FAAP100: variants seen among roughly 807,000 people sequenced by gnomAD.
FAAP100 encodes FA core complex associated protein 100, also known as Fanconi anemia core complex-associated protein 100.
In FAAP100, 46 loss-of-function variants were observed where a neutral mutation model predicts 65.8. The observed-to-expected ratio is 0.70, with a 90% CI of 0.55 to 0.89. The LOEUF is 0.89. Among genes scored for constraint, FAAP100 ranks in the 40% least tolerant of loss-of-function variants. The pLI, the probability that FAAP100 is intolerant of heterozygous loss-of-function variation, is 0.00. For synonymous variants in FAAP100, 663 were observed against 555.1 expected (o/e 1.19, Z -2.73); for missense variants, 1,165 against 1,196.7 (o/e 0.97, Z 0.39).
intron 7 of FAAP100, among the ~76,000 whole-genome samples, chr17:81,543,735 C>T (rs1199549379): frequency 6.6e-6 from 1 of 152,160 alleles, no homozygotes. Context: ...GCCTTGTAGC[C>T]CGGGCAGTCC....
rs1475800686 is a variant in FAAP100, at chr17:81,552,191, T to C, written c.140A>G (p.Tyr47Cys). 1.3e-6 allele frequency: 2 copies of C among 1,497,996 alleles called. No individual in the cohort carries two copies. The highest frequency in any genetic ancestry group is 1.2e-5 in the South Asian group (1 of 80,286). 92.8% of individuals were successfully genotyped at this position (1,497,996 alleles called of 1,614,324 possible). A position where few individuals can be genotyped will look rare whatever the true frequency, so the allele number is the denominator to read the frequency against. The change falls in exon 1 of 9, where the codon TAC (tyrosine) becomes TGC (cysteine). Residue 47 changes from tyrosine (Y) to cysteine (C), a missense_variant. Transcript: ENST00000327787. ...LSTGSELVYVYDQEGGLLTAA... is the reference protein window; with the variant it reads ...LSTGSELVYVCDQEGGLLTAA... ...GGTCAGCAGCCCGCCCTCCTGGTCG[T>C]ACACGTAGACGAGCTCGCTCCCGGT...
chr17:81,544,536 C>T (rs1281718418), intron 6 of FAAP100, among the ~76,000 whole-genome samples: 1 of 152,222 alleles, frequency 6.6e-6, no homozygotes, highest in African/African-American at 2.4e-5. Flanking sequence ...CACAGATCAC[C>T]TCTGGCAGCA....
At chr17:81,550,191 C>G in intron 3 of FAAP100, 57 bp downstream of exon 3, 2 of 1,481,382 alleles carry the variant, frequency 1.4e-6, no homozygotes, top group Non-Finnish European at 1.8e-6. Context: ...TAGCAGACAG[C>G]CAAAAAGGGT....
At chr17:81,545,723 C>T (rs780813472) in intron 6 of FAAP100, 23 bp downstream of exon 6, 20 of 1,598,890 alleles carry the variant, frequency 1.3e-5, no homozygotes, top group African/African-American at 5.4e-5. Context: ...TGCCGTGGCT[C>T]GTTTCCCTGA....
intron 4 of FAAP100, 72 bp from the exon 5 acceptor site, chr17:81,547,750 G>T (rs1027683372): frequency 1.3e-6 from 2 of 1,541,794 alleles, no homozygotes; most frequent in Non-Finnish European, 1.8e-6. Context: ...CTTGACTCAG[G>T]CCTGGTAGGC....
Position 81,544,067 on chromosome 17 carries a change from T to C in FAAP100, c.2364A>G (p.Gln788=), listed in dbSNP as rs573532888. The part of the protein sequence containing the change: ...PAGPIQAVEI[Q]VESSSLADIC... ...TGTCGGCCAGAGAGGAGCTTTCCAC[T>C]TGAATCTCCACGGCCTGGATGGGCC... Residue 788 remains glutamine, a synonymous_variant, in exon 7 of 9, where the codon CAA becomes CAG. Transcript: ENST00000327787. The C allele has an allele frequency of 8.2e-5, 132 of 1,612,536 alleles. No homozygotes were observed. Among genetic ancestry groups the C allele is most frequent in the Non-Finnish European group, 1.1e-4 (126 of 1,179,814 alleles).
intron 3 of FAAP100, 73 bp from the exon 4 acceptor site, chr17:81,549,435 C>T (rs2033418356): frequency 1.3e-6 from 2 of 1,522,404 alleles, no homozygotes; most frequent in Admixed American, 4.0e-5. Context: ...GTGGTGTTTC[C>T]CTGGACTCCA....
chr17:81,548,932 C>T (rs1475328481), intron 4 of FAAP100, among the ~76,000 whole-genome samples: 1 of 149,838 alleles, frequency 6.7e-6, no homozygotes, highest in Non-Finnish European at 1.5e-5. Flanking sequence ...CCCAGCTACT[C>T]GGGAGGCTGA....
intron 2 of FAAP100, chr17:81,551,615 C>T (rs1471764994): frequency 1.4e-5 from 16 of 1,114,090 alleles, no homozygotes; most frequent in Admixed American, 3.9e-5. Flanking sequence ...CTGTCTCCTC[C>T]CTCCAATAAA....
rs990660315 is a variant in FAAP100, at chr17:81,540,115, T to C, written c.*704A>G. 10 of 397,714 alleles carry C rather than the reference T, an allele frequency of 2.5e-5. No homozygotes were observed. The highest frequency in any genetic ancestry group is 2.1e-4 in the African/African-American group (10 of 48,334). 24.6% of individuals were successfully genotyped at this position (397,714 alleles called of 1,614,324 possible). A position where few individuals can be genotyped will look rare whatever the true frequency, so the allele number is the denominator to read the frequency against. The stretch of plus-strand genomic sequence containing the variant: ...GCGCCACCCTGAGTGGCCCTGAAAA[T>C]AGTGCACAGTGCTGGGTACTGCCCC... On this transcript the variant is annotated 3_prime_UTR_variant, in exon 9 of 9. Coordinates refer to ENST00000327787, the MANE Select transcript of FAAP100 (RefSeq NM_025161.6).
upstream of FAAP100, among the ~76,000 whole-genome samples, chr17:81,552,920 C>T (rs1343604553): frequency 6.6e-6 from 1 of 151,346 alleles, no homozygotes; most frequent in African/African-American, 2.4e-5. Context: ...GTGCGTCCCT[C>T]CCTCCGTGGC....
chr17:81,546,895 G>A lies in FAAP100; in HGVS notation c.2173+14C>T. On this transcript the variant is annotated intron_variant, in intron 5 of 8. Coordinates refer to ENST00000327787, the MANE Select transcript of FAAP100 (RefSeq NM_025161.6). ...AATCCCCAAGGCTGAGCAAAGCCAAGCAGTGCCACCAACCTGAGTGGCCGT... is the reference window on the plus strand; with the variant it reads ...AATCCCCAAGGCTGAGCAAAGCCAAACAGTGCCACCAACCTGAGTGGCCGT... 7.3e-7 allele frequency: 1 copy of A among 1,377,372 alleles called. No homozygotes were observed. The highest frequency in any genetic ancestry group is 9.4e-7 in the Non-Finnish European group (1 of 1,059,258). 85.3% of individuals were successfully genotyped at this position (1,377,372 alleles called of 1,614,324 possible).
chr17:81,544,229 G>A lies in FAAP100; in HGVS notation c.2311-109C>T, dbSNP rs566202096. 61 of 849,768 alleles carry A rather than the reference G, an allele frequency of 7.2e-5. No homozygotes were observed. The South Asian group carries it at 8.9e-4, about 12-fold the overall frequency. The allele number at this position is 849,768 out of a possible 1,614,324, so 52.6% of individuals were successfully genotyped here. A position where few individuals can be genotyped will look rare whatever the true frequency, so the allele number is the denominator to read the frequency against. On this transcript the variant is annotated intron_variant, in intron 6 of 8. Coordinates refer to ENST00000327787, the MANE Select transcript of FAAP100 (RefSeq NM_025161.6). ...CTGGCAGCACGTGAGGCCCTGAGAT[G>A]GTCCCAACCCCCTGCCCTGGGCTGT...
chr17:81,550,150 AC>A, intron 3 of FAAP100, 97 bp downstream of exon 3: 1 of 1,210,246 alleles, frequency 8.3e-7, no homozygotes, highest in Non-Finnish European at 1.2e-6. Flanking sequence ...TTGCAAAAGA[AC>A]AAGCCCAGGA....
In FAAP100 at chr17:81,547,280, G is replaced by T; in HGVS notation, c.1802C>A (p.Thr601Lys). The T allele has an allele frequency of 1.9e-6, 3 of 1,611,314 alleles. No individual in the cohort carries two copies. The highest frequency in any genetic ancestry group is 1.1e-5 in the South Asian group (1 of 90,934). The part of the protein sequence containing the change: ...GLDLPVTVSC[T>K]LFYSLREVVG... ...CACCTCCCTGAGACTGTAGAACAGC[G>T]TGCAGGACACGGTCACGGGCAGGTC... is the stretch of plus-strand genomic sequence containing the variant. Residue 601 changes from threonine to lysine, a missense_variant, in exon 5 of 9, where the codon ACG becomes AAG. By Grantham distance (78) the Thr-to-Lys change is moderately conservative. Transcript: ENST00000327787.
chr17:81,550,941 G>A lies in FAAP100; in HGVS notation c.553C>T (p.Pro185Ser). 6.2e-7 allele frequency: 1 copy of A among 1,612,198 alleles called. No homozygotes were observed. Among genetic ancestry groups the A allele is most frequent in the Non-Finnish European group, 8.5e-7 (1 of 1,179,682 alleles). Residue 185 changes from proline to serine, a missense_variant, in exon 3 of 9, where the codon CCA becomes TCA. Coordinates refer to ENST00000327787, the MANE Select transcript of FAAP100 (RefSeq NM_025161.6). ...AAGTGGGGGGCTGCAGGCTTTCCTG[G>A]GACCCCGGCTGGGGGCGTGTAGGAG... ...LSSYTPPAGV[P>S]GKPAAPHFLP...
chr17:81,539,980 C>G lies in FAAP100; in HGVS notation c.*839G>C, dbSNP rs567664102. On this transcript the variant is annotated 3_prime_UTR_variant, in exon 9 of 9. Transcript: ENST00000327787. ...TCGCGGACAGTGCCTGCAGCGGGAG[C>G]GGCGCGAGCACCCTCCCCAGATGAA... 4 of 398,888 alleles carry G rather than the reference C, an allele frequency of 1.0e-5. No individual in the cohort carries two copies. The highest frequency in any genetic ancestry group is 1.8e-5 in the Non-Finnish European group (4 of 226,150). The allele number at this position is 398,888 out of a possible 1,614,324, so 24.7% of individuals were successfully genotyped here.
intron 6 of FAAP100, 110 bp from the exon 7 acceptor site, chr17:81,544,230 G>A: frequency 1.2e-6 from 1 of 841,686 alleles, no homozygotes; most frequent in Non-Finnish European, 1.9e-6. Flanking sequence ...CCCTGAGATG[G>A]TCCCAACCCC....
chr17:81,552,537 G>A (rs569929354), upstream of FAAP100, among the ~76,000 whole-genome samples: 7 of 152,268 alleles, frequency 4.6e-5, 1 homozygote, highest in East Asian at 3.9e-4. Context: ...AGCCTTCCTA[G>A]GGGCCGCGGC....
Sources: allele counts gnomAD v4.1 joint callset (sites outside exome capture counted in the v4.1 genomes callset), GRCh38; gene constraint gnomAD v4.1.1; transcripts MANE v1.5; gene names NCBI Gene and HGNC (gene_info 2026-07-23, HGNC 2026-07-21).